The following TMEM132B variants were observed in gnomAD, a reference collection of about 807,000 sequenced individuals.
TMEM132B encodes transmembrane protein 132B.
Under a neutral mutation model 90.8 loss-of-function variants are expected in TMEM132B, and 18 were observed. The observed-to-expected ratio is 0.20, with a 90% CI of 0.14 to 0.29. TMEM132B has a LOEUF of 0.29. TMEM132B is among the 10% of genes least tolerant of loss of function. The pLI, the probability that TMEM132B is intolerant of heterozygous loss-of-function variation, is 1.00. For missense variants in TMEM132B, 1,096 were observed against 1,326.8 expected (o/e 0.83, Z 2.70); for synonymous variants, 504 against 523.3 (o/e 0.96, Z 0.50).
chr12:125,461,691 C>A (rs1215059026), intron 3 of TMEM132B, among the ~76,000 whole-genome samples: 1 of 152,234 alleles, frequency 6.6e-6, no homozygotes, highest in African/African-American at 2.4e-5. Flanking sequence ...GTAAGCGGCT[C>A]TTTCTCATCA....
At chr12:125,195,890 C>T (rs1323953564) in intron 1 of TMEM132B, among the ~76,000 whole-genome samples, 1 of 152,104 alleles carries the variant, frequency 6.6e-6, no homozygotes, top group Admixed American at 6.5e-5. Context: ...GAGAGCTGTT[C>T]CCTCACTCTT....
chr12:125,573,331 A>G (rs1566077937), intron 4 of TMEM132B, among the ~76,000 whole-genome samples: 2 of 152,164 alleles, frequency 1.3e-5, no homozygotes, highest in Admixed American at 6.5e-5. Flanking sequence ...ATGATTGCAG[A>G]GTTCACTCTA....
At chr12:125,597,306 G>A (rs1885461891) in intron 5 of TMEM132B, among the ~76,000 whole-genome samples, 1 of 152,162 alleles carries the variant, frequency 6.6e-6, no homozygotes, top group Non-Finnish European at 1.5e-5. Flanking sequence ...GGCATCTGAA[G>A]GCTGGTTTTC....
intron 2 of TMEM132B, among the ~76,000 whole-genome samples, chr12:125,389,013 T>TACACACACACAC (rs71447042): frequency 6.4e-5 from 9 of 140,190 alleles, no homozygotes; most frequent in Admixed American, 1.4e-4. Context: ...ATATTTTCTG[T>TACACACACACAC]ACACACACAC....
At chr12:125,414,201 T>C (rs1055411414) in intron 2 of TMEM132B, among the ~76,000 whole-genome samples, 1 of 152,228 alleles carries the variant, frequency 6.6e-6, no homozygotes, top group South Asian at 2.1e-4. Context: ...CTTTTGTTGT[T>C]GATTTTGTAG....
intron 1 of TMEM132B, among the ~76,000 whole-genome samples, chr12:125,311,510 C>T (rs1876124174): frequency 6.6e-6 from 1 of 152,150 alleles, no homozygotes; most frequent in Non-Finnish European, 1.5e-5. Flanking sequence ...TGAGTCGCCA[C>T]CTCTAGCTTT....
intron 1 of TMEM132B, among the ~76,000 whole-genome samples, chr12:125,346,743 A>G (rs1045775037): frequency 2.6e-5 from 4 of 152,220 alleles, no homozygotes; most frequent in African/African-American, 7.2e-5. Flanking sequence ...CCAAGCCTGT[A>G]TGGACATCAT....
intron 1 of TMEM132B, among the ~76,000 whole-genome samples, chr12:125,259,622 T>A (rs114459033): frequency 0.018 from 2,747 of 152,192 alleles, 100 homozygotes; most frequent in African/African-American, 0.062. Context: ...CCTTAAATGG[T>A]TTCTGTAATT....
intron 1 of TMEM132B, among the ~76,000 whole-genome samples, chr12:125,205,658 C>T (rs1324349106): frequency 6.6e-6 from 1 of 152,250 alleles, no homozygotes; most frequent in Non-Finnish European, 1.5e-5. Context: ...CTGTCTGTCT[C>T]CATGTGGTCT....
chr12:125,361,585 GC>G (rs1877959601), intron 2 of TMEM132B, among the ~76,000 whole-genome samples: 1 of 152,152 alleles, frequency 6.6e-6, no homozygotes, highest in South Asian at 2.1e-4. Flanking sequence ...CAACCTTGGA[GC>G]CCAGATCAAG....
intron 2 of TMEM132B, among the ~76,000 whole-genome samples, chr12:125,402,396 T>C (rs1446153482): frequency 6.6e-6 from 1 of 152,202 alleles, no homozygotes; most frequent in Non-Finnish European, 1.5e-5. Flanking sequence ...AGGCTGGTCC[T>C]GAACTCCTCA....
chr12:125,394,438 G>C (rs1311141277), intron 2 of TMEM132B, among the ~76,000 whole-genome samples: 1 of 152,210 alleles, frequency 6.6e-6, no homozygotes, highest in East Asian at 1.9e-4. Flanking sequence ...ATACACATGA[G>C]GATGATGGCA....
At chr12:125,647,861 G>C (rs112440929) in intron 6 of TMEM132B, among the ~76,000 whole-genome samples, 1 of 150,474 alleles carries the variant, frequency 6.6e-6, no homozygotes, top group East Asian at 1.9e-4. Flanking sequence ...GTGGTACTTA[G>C]GATAGACAGA....
rs1461163581 is a variant in TMEM132B at position 125,644,095 on chromosome 12, C to T, written c.1457C>T (p.Ser486Phe). 5.0e-6 allele frequency: 8 copies of T among 1,614,028 alleles called. No individual in the cohort carries two copies. The highest frequency in any genetic ancestry group is 1.6e-4 in the Middle Eastern group (1 of 6,084). The change falls in exon 6 of 9, where the codon TCC becomes TTC. Residue 486 changes from serine (S) to phenylalanine (F), a missense_variant. By Grantham distance (155) the Ser-to-Phe change is radical. Coordinates refer to ENST00000682704, the MANE Select transcript of TMEM132B (RefSeq NM_001366854.1). ...DVIKVSNNCD[S>F]IFVNGKEMKS... The stretch of plus-strand genomic sequence containing the variant: ...CCAAAGGTTTCCAACAACTGTGATT[C>T]CATTTTTGTGAATGGGAAGGAAATG...
chr12:125,567,730 T>C (rs1376342384), intron 4 of TMEM132B, among the ~76,000 whole-genome samples: 1 of 152,236 alleles, frequency 6.6e-6, no homozygotes, highest in East Asian at 1.9e-4. Flanking sequence ...TTGCCGGTCC[T>C]GTGACAGCCA....
At chr12:125,563,285 A>G (rs551944948) in intron 4 of TMEM132B, among the ~76,000 whole-genome samples, 52 of 152,212 alleles carry the variant, frequency 3.4e-4, no homozygotes, top group African/African-American at 1.1e-3. Context: ...TGCTCGATGA[A>G]GAGTTGCCAG....
At chr12:125,579,077 A>G (rs551900547) in intron 4 of TMEM132B, among the ~76,000 whole-genome samples, 1 of 152,180 alleles carries the variant, frequency 6.6e-6, no homozygotes, top group East Asian at 1.9e-4. Context: ...AATTGTGCTT[A>G]TGCTGGTATG....
chr12:125,644,234 G>A lies in TMEM132B; in HGVS notation c.1596G>A (p.Glu532=), dbSNP rs767174770. The A allele has an allele frequency of 8.2e-5, 133 of 1,614,074 alleles. No homozygotes were observed. The highest frequency in any genetic ancestry group is 1.1e-4 in the Non-Finnish European group (127 of 1,180,050). Reference sequence around the variant, plus strand: ...TGCAGATTGAGATCTCAGACACCGAGCTGAGCCAGATCAAGGGCTGGAGGA... The same window carrying A: ...TGCAGATTGAGATCTCAGACACCGAACTGAGCCAGATCAAGGGCTGGAGGA... ...LPLQIEISDT[E]LSQIKGWRIP... Residue 532 remains glutamate, a synonymous_variant, in exon 6 of 9, where the codon GAG becomes GAA. Transcript: ENST00000682704.
intron 5 of TMEM132B, among the ~76,000 whole-genome samples, chr12:125,609,631 C>A (rs1021331258): frequency 3.3e-5 from 5 of 151,230 alleles, no homozygotes; most frequent in Non-Finnish European, 5.9e-5. Flanking sequence ...CTGGCCAACA[C>A]GGTGAAACCC....
Sources: allele counts gnomAD v4.1 joint callset (sites outside exome capture counted in the v4.1 genomes callset), GRCh38; gene constraint gnomAD v4.1.1; transcripts MANE v1.5; gene names NCBI Gene and HGNC (gene_info 2026-07-23, HGNC 2026-07-21).